CCDC144A: variants seen among roughly 807,000 people sequenced by gnomAD.
CCDC144A encodes coiled-coil domain-containing protein 144A.
In CCDC144A, 41 loss-of-function variants were observed where a neutral mutation model predicts 143.8. That is an observed-to-expected ratio of 0.29 (90% CI 0.22 to 0.37). The LOEUF (loss-of-function observed/expected upper bound fraction) is 0.37, where lower values mean the gene tolerates loss of function less well. CCDC144A is among the 10% of genes least tolerant of loss of function. The pLI, the probability that CCDC144A is intolerant of heterozygous loss-of-function variation, is 1.00. For synonymous variants in CCDC144A, 242 were observed against 517.9 expected (o/e 0.47, Z 7.23); for missense variants, 637 against 1,488.8 (o/e 0.43, Z 9.41).
At chr17:16,683,415 T>C in the CCDC144A span, 1 of 943,072 alleles carries the variant, frequency 1.1e-6, no homozygotes, top group Non-Finnish European at 1.6e-6. Flanking sequence ...GTCAAAATGC[T>C]TCCTGGTGCC....
At chr17:16,683,629 A>G in the CCDC144A span, 1 of 1,610,842 alleles carries the variant, frequency 6.2e-7, no homozygotes, top group African/African-American at 1.3e-5. Context: ...ACAGAGGATG[A>G]GGCCTGGGAC....
chr17:16,732,671 T>C lies in CCDC144A; in HGVS notation c.2418+5T>C, dbSNP rs1913794734. 2 of 1,593,250 alleles carry C rather than the reference T, an allele frequency of 1.3e-6. No homozygotes were observed. The highest frequency in any genetic ancestry group is 1.4e-5 in the African/African-American group (1 of 73,758). ...CGAAAGAAAATGAATTCTGAGGTAT[T>C]TTCTTTAGTCATTTTCAAATATATT... is the stretch of plus-strand genomic sequence containing the variant. On this transcript the variant is annotated splice_donor_5th_base_variant and intron_variant, in intron 11 of 16. Transcript: ENST00000399273.
the CCDC144A span, among the ~76,000 whole-genome samples, chr17:16,667,365 G>A: frequency 7.1e-6 from 1 of 141,410 alleles, no homozygotes; most frequent in Admixed American, 7.1e-5. Context: ...GGCTGAGGCG[G>A]CTGAGGGGCT....
chr17:16,680,652 TG>T, the CCDC144A span, among the ~76,000 whole-genome samples: 1 of 46,062 alleles, frequency 2.2e-5, no homozygotes, highest in Non-Finnish European at 4.4e-5. Context: ...AGGGAGGGAG[TG>T]GGGGAGGGAG....
At chr17:16,729,222 T>G (rs1277332154) in intron 9 of CCDC144A, among the ~76,000 whole-genome samples, 2 of 152,334 alleles carry the variant, frequency 1.3e-5, no homozygotes, top group South Asian at 4.1e-4. Flanking sequence ...TATAAGCATT[T>G]CCTTTTCACC....
chr17:16,691,591 CACT>C (rs1911078945), intron 1 of CCDC144A, among the ~76,000 whole-genome samples: 1 of 150,794 alleles, frequency 6.6e-6, no homozygotes, highest in Non-Finnish European at 1.5e-5. Flanking sequence ...GAAACCCCGT[CACT>C]ACTAAAAAAT....
Position 16,729,991 on chromosome 17 carries a change from T to TATATATATATATACAC in CCDC144A, c.2106-1808_2106-1807insTATATATATATACACA, listed in dbSNP as rs1491438660. ...ATATATATATATATATATATATATA[T>TATATATATATATACAC]ACACACATACATTTTTTGTTTTTTT... On this transcript the variant is annotated intron_variant, in intron 9 of 16. Coordinates refer to ENST00000399273, the MANE Select transcript of CCDC144A (RefSeq NM_001382000.1). Among the ~76,000 whole-genome samples, 64 of 114,876 alleles carry TATATATATATATACAC rather than the reference T, an allele frequency of 5.6e-4. 1 individual carries two copies. The highest frequency in any genetic ancestry group is 2.0e-3 in the African/African-American group (60 of 30,098). 75.4% of individuals were successfully genotyped at this position (114,876 alleles called of 152,430 possible). A position where few individuals can be genotyped will look rare whatever the true frequency, so the allele number is the denominator to read the frequency against.
intron 12 of CCDC144A, among the ~76,000 whole-genome samples, chr17:16,755,338 A>C (rs1419872981): frequency 6.6e-6 from 1 of 151,968 alleles, no homozygotes; most frequent in African/African-American, 2.4e-5. Context: ...TACCTCTACA[A>C]TTTGCTGGTT....
At chr17:16,718,341 G>C (rs962900586) in intron 6 of CCDC144A, among the ~76,000 whole-genome samples, 1 of 151,680 alleles carries the variant, frequency 6.6e-6, no homozygotes, top group African/African-American at 2.4e-5. Flanking sequence ...CAAAATAGAA[G>C]CTTTTAGAGT....
chr17:16,757,044 C>T (rs1478238017), intron 12 of CCDC144A, among the ~76,000 whole-genome samples: 1 of 152,252 alleles, frequency 6.6e-6, no homozygotes, highest in East Asian at 1.9e-4. Context: ...ATTGGCAGCA[C>T]CAGGCCATGC....
intron 12 of CCDC144A, among the ~76,000 whole-genome samples, chr17:16,752,384 A>G (rs1914838233): frequency 1.3e-5 from 2 of 152,146 alleles, no homozygotes; most frequent in Non-Finnish European, 2.9e-5. Flanking sequence ...AAGGTTGGGG[A>G]CTGCTGTTGC....
At chr17:16,757,308 A>G (rs1259897000) in intron 12 of CCDC144A, among the ~76,000 whole-genome samples, 1 of 152,222 alleles carries the variant, frequency 6.6e-6, no homozygotes, top group Non-Finnish European at 1.5e-5. Context: ...TTAGGTGGGT[A>G]CCTAAGGCAG....
At chr17:16,688,000 T>C (rs1387619403), upstream of CCDC144A, among the ~76,000 whole-genome samples, 5 of 151,758 alleles carry the variant, frequency 3.3e-5, no homozygotes, top group Non-Finnish European at 7.4e-5. Flanking sequence ...CACTTTTGGA[T>C]ATGACATGCT....
upstream of CCDC144A, chr17:16,689,557 C>G (rs1464896364): frequency 1.3e-5 from 2 of 152,370 alleles, no homozygotes; most frequent in African/African-American, 4.8e-5. Context: ...TAGAGGCGAG[C>G]AATCCTGGTG....
intron 15 of CCDC144A, among the ~76,000 whole-genome samples, chr17:16,771,072 C>A (rs2143412751): frequency 6.6e-6 from 1 of 152,202 alleles, no homozygotes; most frequent in Non-Finnish European, 1.5e-5. Context: ...TATCTCAGAC[C>A]CCGTTCTAGG....
intron 12 of CCDC144A, among the ~76,000 whole-genome samples, chr17:16,748,183 C>G (rs1446165225): frequency 6.6e-6 from 1 of 152,272 alleles, no homozygotes; most frequent in East Asian, 1.9e-4. Flanking sequence ...GCACTTAGCC[C>G]CCACTTCCAG....
At chr17:16,679,835 C>T in the CCDC144A span, among the ~76,000 whole-genome samples, 582 of 151,828 alleles carry the variant, frequency 3.8e-3, 6 homozygotes, top group African/African-American at 0.013. Context: ...GACCACTGCT[C>T]TTTGAGCATT....
At chr17:16,747,203 G>T (rs1849522070) in intron 12 of CCDC144A, among the ~76,000 whole-genome samples, 1 of 152,080 alleles carries the variant, frequency 6.6e-6, no homozygotes, top group Admixed American at 6.5e-5. Context: ...CTTTGTCAAA[G>T]ACCCAATGGT....
intron 3 of CCDC144A, chr17:16,707,073 A>G (rs1157695198): frequency 2.5e-5 from 4 of 161,346 alleles, no homozygotes; most frequent in Non-Finnish European, 5.4e-5. Flanking sequence ...AAAGGTGTCC[A>G]CAGTCATTTT....
Sources: gnomAD v4.1 joint callset for allele counts (sites outside exome capture counted in the v4.1 genomes callset) on GRCh38, gnomAD v4.1.1 for gene constraint, MANE v1.5 for transcripts, NCBI Gene and HGNC (gene_info 2026-07-23, HGNC 2026-07-21) for gene names.